The following BIN3 variants were observed in gnomAD, a reference collection of about 807,000 sequenced individuals.
The protein encoded by BIN3 is bridging integrator 3.
In BIN3, 41 loss-of-function variants were observed where a neutral mutation model predicts 38.2. The observed-to-expected ratio is 1.07, with a 90% confidence interval of 0.84 to 1.39. The LOEUF (loss-of-function observed/expected upper bound fraction) is 1.39. Among genes scored for constraint, BIN3 ranks in the 40% most tolerant of loss-of-function variants. BIN3 has a pLI of 0.00. For missense variants in BIN3, 361 were observed against 324.3 expected (o/e 1.11, Z -0.87); for synonymous variants, 145 against 122.6 (o/e 1.18, Z -1.21).
In BIN3 at chr8:22,636,585, G is replaced by A. The variant is rs1802374299; in HGVS notation, c.100C>T (p.Leu34=). The A allele has an allele frequency of 6.4e-7, 1 of 1,551,984 alleles. No homozygotes were observed. Among genetic ancestry groups the A allele is most frequent in the Non-Finnish European group, 8.7e-7 (1 of 1,147,324 alleles). Reference sequence around the variant, plus strand: ...TGCAGCCTCCGGGTCTGCTCTTCCAGCCTGCAAGGCAGGGGACGGGCTGCT... The same window carrying A: ...TGCAGCCTCCGGGTCTGCTCTTCCAACCTGCAAGGCAGGGGACGGGCTGCT... ...FEREYGKLQQ[L]EEQTRRLQKD... Residue 34 remains leucine, a splice_region_variant and synonymous_variant, in exon 4 of 9, where the codon CTG becomes TTG. Coordinates refer to ENST00000276416, the MANE Select transcript of BIN3 (RefSeq NM_018688.6).
chr8:22,623,514 A>G (rs529445046), intron 8 of BIN3, among the ~76,000 whole-genome samples: 2 of 152,104 alleles, frequency 1.3e-5, no homozygotes, highest in Non-Finnish European at 2.9e-5. Context: ...TAGGCAGGGG[A>G]GGGGAGCTGA....
At chr8:22,626,921 G>A (rs752035671) in intron 6 of BIN3, among the ~76,000 whole-genome samples, 2 of 152,210 alleles carry the variant, frequency 1.3e-5, no homozygotes, top group African/African-American at 4.8e-5. Flanking sequence ...CTACAGCGGA[G>A]TGCCGAGCGG....
rs140741866 is a variant in BIN3 at position 22,668,470 on chromosome 8, G to T, written c.8+574C>A. Among the ~76,000 whole-genome samples the T allele has an allele frequency of 2.0e-4, 31 of 152,316 alleles. No homozygotes were observed. In the East Asian group the frequency reaches 6.0e-3, roughly 29 times the overall value. ...AGGGCAGGCAGTGAGTAATAGCTCT[G>T]GAATGATTAAAACCAGTCCAATCCC... On this transcript the variant is annotated intron_variant, in intron 1 of 8. Transcript: ENST00000276416.
intron 6 of BIN3, chr8:22,625,468 T>G: frequency 1.4e-6 from 1 of 700,608 alleles, no homozygotes; most frequent in East Asian, 2.7e-5. Flanking sequence ...AGGAAGCAGT[T>G]ACTGAGACTG....
At chr8:22,639,635 C>A (rs1476960875) in intron 2 of BIN3, among the ~76,000 whole-genome samples, 1 of 152,096 alleles carries the variant, frequency 6.6e-6, no homozygotes, top group Non-Finnish European at 1.5e-5. Context: ...AGGTGCCTGG[C>A]CCATGGCAGT....
rs528694974 is a variant in BIN3 at position 22,639,263 on chromosome 8, G to A, written c.58-2301C>T. Among the ~76,000 whole-genome samples the A allele has an allele frequency of 4.1e-5, 6 of 147,904 alleles. No homozygotes were observed. The South Asian group carries it at 1.3e-3, about 31-fold the overall frequency. On this transcript the variant is annotated intron_variant, in intron 2 of 8. Coordinates refer to ENST00000276416, the MANE Select transcript of BIN3 (RefSeq NM_018688.6). ...TTTTTTTTTTTTGAGACAGGGTTTT[G>A]CTCTGTTGCCCAGGCTGGAATGCGA... is the stretch of plus-strand genomic sequence containing the variant.
In BIN3 at chr8:22,629,956, T is replaced by G; in HGVS notation, c.338+8A>C. On this transcript the variant is annotated splice_region_variant and intron_variant, in intron 6 of 8. Transcript: ENST00000276416. Reference sequence around the variant, plus strand: ...GTGCCCCGAGGCCCCCAGGTGACATTTACTCACTTTTTTAAGGGCTCGATC... The same window carrying G: ...GTGCCCCGAGGCCCCCAGGTGACATGTACTCACTTTTTTAAGGGCTCGATC... The G allele has an allele frequency of 6.2e-7, 1 of 1,605,438 alleles. No individual in the cohort carries two copies. The highest frequency in any genetic ancestry group is 8.5e-7 in the Non-Finnish European group (1 of 1,175,390).
At chr8:22,659,333 T>C (rs983442726) in intron 1 of BIN3, among the ~76,000 whole-genome samples, 1 of 152,142 alleles carries the variant, frequency 6.6e-6, no homozygotes, top group African/African-American at 2.4e-5. Flanking sequence ...CACACAGAAA[T>C]TGACCCCGAC....
At chr8:22,636,740 C>T (rs1802379535) in intron 3 of BIN3, 154 bp from the exon 4 acceptor site, 2 of 995,002 alleles carry the variant, frequency 2.0e-6, no homozygotes, top group East Asian at 5.2e-5. Context: ...CACCCAAAGG[C>T]TATGAGTGAA....
At chr8:22,623,293 C>T (rs1165856154) in intron 8 of BIN3, among the ~76,000 whole-genome samples, 2 of 152,182 alleles carry the variant, frequency 1.3e-5, no homozygotes, top group Non-Finnish European at 2.9e-5. Context: ...CATGCCACTC[C>T]GTGTCCTCCC....
At position 22,621,529 on chromosome 8, in the gene BIN3, G is replaced by A. The variant is rs376718168; in HGVS notation, c.655C>T (p.Leu219=). 5 of 1,613,878 alleles carry A rather than the reference G, an allele frequency of 3.1e-6. No homozygotes were observed. The highest frequency in any genetic ancestry group is 1.3e-5 in the African/African-American group (1 of 75,072). The part of the protein sequence containing the change: ...YSEMHKIFGD[L]SHQLDQPGHS... ...CCTGGCTGGTCAAGCTGATGGGACA[G>A]GTCTCCAAAGATCTTGTGCATTTCC... Residue 219 remains leucine, a synonymous_variant, in exon 9 of 9, where the codon CTG becomes TTG. Transcript: ENST00000276416.
intron 1 of BIN3, among the ~76,000 whole-genome samples, chr8:22,654,947 GTA>G (rs758561075): frequency 4.6e-5 from 7 of 152,216 alleles, no homozygotes; most frequent in Non-Finnish European, 8.8e-5. Context: ...CCCACCAGTG[GTA>G]TATAAGGGTT....
At chr8:22,657,903 T>C (rs1279040307) in intron 1 of BIN3, among the ~76,000 whole-genome samples, 1 of 152,198 alleles carries the variant, frequency 6.6e-6, no homozygotes, top group Non-Finnish European at 1.5e-5. Flanking sequence ...GCAGCAGCCT[T>C]GGTACTGCCA....
intron 6 of BIN3, chr8:22,625,176 C>A: frequency 1.6e-6 from 1 of 625,372 alleles, no homozygotes; most frequent in Non-Finnish European, 2.9e-6. Flanking sequence ...CGATGCAACG[C>A]TGCAGGTCCA....
At chr8:22,627,347 AC>A in intron 6 of BIN3, among the ~76,000 whole-genome samples, 1 of 61,590 alleles carries the variant, frequency 1.6e-5, no homozygotes, top group Non-Finnish European at 4.0e-5. Context: ...TGCCCTGGTC[AC>A]TCACTGACCC....
intron 6 of BIN3, among the ~76,000 whole-genome samples, chr8:22,629,438 T>C (rs3758042): frequency 0.4 from 61,423 of 152,150 alleles, 12,725 homozygotes; most frequent in South Asian, 0.51. Flanking sequence ...ATGAGCCTCA[T>C]AGAAGCATTC....
chr8:22,630,867 G>A (rs140158249), intron 4 of BIN3, among the ~76,000 whole-genome samples: 79 of 152,272 alleles, frequency 5.2e-4, no homozygotes, highest in African/African-American at 1.9e-3. Flanking sequence ...TATAAAATAT[G>A]TTTCTGGCTC....
chr8:22,646,681 G>C (rs1040379905), intron 1 of BIN3, among the ~76,000 whole-genome samples: 3 of 152,186 alleles, frequency 2.0e-5, no homozygotes, highest in African/African-American at 7.2e-5. Flanking sequence ...TAACCAGGGA[G>C]GAAAGGTAAG....
intron 4 of BIN3, among the ~76,000 whole-genome samples, chr8:22,636,141 C>T (rs554350020): frequency 4.8e-4 from 73 of 152,328 alleles, no homozygotes; most frequent in African/African-American, 1.5e-3. Context: ...GCCACTGGAG[C>T]GCCTGTCCCA....
Sources: gnomAD v4.1 joint callset for allele counts (sites outside exome capture counted in the v4.1 genomes callset) on GRCh38, gnomAD v4.1.1 for gene constraint, MANE v1.5 for transcripts, NCBI Gene and HGNC (gene_info 2026-07-23, HGNC 2026-07-21) for gene names.